The following SHANK2 variants were observed in gnomAD, a reference collection of about 807,000 sequenced individuals.
SHANK2 encodes the protein SH3 and multiple ankyrin repeat domains protein 2.
In SHANK2, 43 loss-of-function variants were observed where a neutral mutation model predicts 133.7. That is an observed-to-expected ratio of 0.32 (90% CI 0.25 to 0.41). The LOEUF (loss-of-function observed/expected upper bound fraction) is 0.41. SHANK2 is among the 10% of genes least tolerant of loss of function. The probability of loss-of-function intolerance (pLI) is 1.00; values close to 1 mark genes in which losing one functional copy is unlikely to be tolerated. For synonymous variants in SHANK2, 1,017 were observed against 952.8 expected, an observed-to-expected ratio of 1.07 and a Z score of -1.24; for missense variants, 1,994 against 2,235.8, an observed-to-expected ratio of 0.89 and a Z score of 2.18.
chr11:70,722,428 T>C (rs1172972648), intron 14 of SHANK2, among the ~76,000 whole-genome samples: 4 of 152,254 alleles, frequency 2.6e-5, no homozygotes, highest in Non-Finnish European at 5.9e-5. Context: ...TGTCCCTTTC[T>C]GCTCCTCCAG....
chr11:70,527,367 C>T (rs569707549), intron 17 of SHANK2, among the ~76,000 whole-genome samples: 2 of 152,312 alleles, frequency 1.3e-5, no homozygotes, highest in Non-Finnish European at 2.9e-5. Context: ...GCAGAGCTTG[C>T]AGTCACCTGC....
At chr11:70,511,144 C>T (rs2059200051) in intron 17 of SHANK2, among the ~76,000 whole-genome samples, 1 of 152,178 alleles carries the variant, frequency 6.6e-6, no homozygotes, top group African/African-American at 2.4e-5. Context: ...TGCCCCAGCG[C>T]CCATCAACAC....
At chr11:70,876,889 C>T (rs1279253735) in intron 11 of SHANK2, among the ~76,000 whole-genome samples, 5 of 152,186 alleles carry the variant, frequency 3.3e-5, no homozygotes, top group African/African-American at 1.2e-4. Flanking sequence ...ATACTCTGGT[C>T]CCGTGACTGC....
At position 70,563,940 on chromosome 11, in the gene SHANK2, C is replaced by T. The variant is rs2059938184; in HGVS notation, c.2062-61009G>A. On this transcript the variant is annotated intron_variant, in intron 17 of 25. Coordinates refer to ENST00000601538, the MANE Select transcript of SHANK2 (RefSeq NM_012309.5). ...CTGTTGAATAATTCTGTTTTTTCTT[C>T]TCTTTCAATACTGTAAAGGTATTTG... Among the ~76,000 whole-genome samples, 3 of 152,100 alleles carry T rather than the reference C, an allele frequency of 2.0e-5. No homozygotes were observed. The South Asian group carries it at 6.2e-4, about 32-fold the overall frequency.
chr11:70,886,573 T>C (rs1361301965), intron 11 of SHANK2, among the ~76,000 whole-genome samples: 2 of 152,168 alleles, frequency 1.3e-5, no homozygotes, highest in Admixed American at 6.5e-5. Flanking sequence ...CCAGGTAAAC[T>C]GAAATTTTTC....
chr11:70,596,208 C>T (rs75781265), intron 17 of SHANK2, among the ~76,000 whole-genome samples: 5,912 of 152,296 alleles, frequency 0.039, 143 homozygotes, highest in East Asian at 0.099. Context: ...CCCCCTTCCC[C>T]GCCTGCTCTG....
At chr11:70,626,096 G>A (rs1404537490) in intron 17 of SHANK2, among the ~76,000 whole-genome samples, 2 of 152,102 alleles carry the variant, frequency 1.3e-5, no homozygotes, top group African/African-American at 4.8e-5. Flanking sequence ...ATGGTACCCC[G>A]CACACACGGT....
chr11:70,607,081 G>A (rs1398633023), intron 17 of SHANK2, among the ~76,000 whole-genome samples: 2 of 152,186 alleles, frequency 1.3e-5, no homozygotes, highest in Non-Finnish European at 2.9e-5. Flanking sequence ...ACTCGGATCT[G>A]AGGCCTCAGC....
intron 2 of SHANK2, among the ~76,000 whole-genome samples, chr11:71,161,664 C>T (rs1953021429): frequency 1.3e-5 from 2 of 152,202 alleles, no homozygotes; most frequent in African/African-American, 4.8e-5. Flanking sequence ...AAACCCTCCC[C>T]TGACTCCACT....
intron 21 of SHANK2, among the ~76,000 whole-genome samples, chr11:70,493,169 T>TTTTG (rs561270997): frequency 1.3e-5 from 2 of 151,394 alleles, no homozygotes; most frequent in African/African-American, 2.4e-5. Flanking sequence ...AAGTTTTTTT[T>TTTTG]TTTGTTTGTT....
intron 17 of SHANK2, among the ~76,000 whole-genome samples, chr11:70,643,959 G>A (rs770520768): frequency 3.3e-5 from 5 of 151,984 alleles, no homozygotes; most frequent in Non-Finnish European, 7.4e-5. Context: ...ATCTGGGGTC[G>A]GGGGCTGAGC....
chr11:70,911,139 GTT>G, intron 10 of SHANK2: 1 of 456,690 alleles, frequency 2.2e-6, no homozygotes, highest in Non-Finnish European at 4.4e-6. Context: ...TTTTTGTACT[GTT>G]TTAATTCAGC....
At chr11:70,758,255 A>G (rs980427957) in intron 14 of SHANK2, among the ~76,000 whole-genome samples, 1 of 151,918 alleles carries the variant, frequency 6.6e-6, no homozygotes, top group Non-Finnish European at 1.5e-5. Flanking sequence ...GTTGTATGGG[A>G]GCTCTGTTTT....
At chr11:70,840,454 A>T (rs1421607981) in intron 11 of SHANK2, among the ~76,000 whole-genome samples, 1 of 152,166 alleles carries the variant, frequency 6.6e-6, no homozygotes. Context: ...AGGCTGCAAG[A>T]TCCCCCCTCT....
chr11:70,680,037 C>T (rs977257007), intron 15 of SHANK2, among the ~76,000 whole-genome samples: 1 of 152,178 alleles, frequency 6.6e-6, no homozygotes, highest in Admixed American at 6.5e-5. Context: ...TCTGCACAGT[C>T]TGAGAGAGGC....
Position 70,819,404 on chromosome 11 carries a change from G to A in SHANK2, c.1493+960C>T, listed in dbSNP as rs568753650. 1.2e-4 allele frequency among the ~76,000 whole-genome samples: 19 copies of A among 152,362 alleles called. No homozygotes were observed. The South Asian group carries it at 1.9e-3, about 15-fold the overall frequency. On this transcript the variant is annotated intron_variant, in intron 12 of 25. Transcript: ENST00000601538. ...CACTGCCCCTGCAGGTGCAGCTTTC[G>A]TGGCTGGAACCGACACCAACCCTAG... is the stretch of plus-strand genomic sequence containing the variant.
intron 17 of SHANK2, among the ~76,000 whole-genome samples, chr11:70,618,723 C>A (rs576200571): frequency 6.6e-6 from 1 of 152,204 alleles, no homozygotes. Context: ...AAACCCTGGC[C>A]GCCGCTTACC....
At chr11:71,179,605 C>T (rs539098533) in intron 2 of SHANK2, among the ~76,000 whole-genome samples, 2 of 152,152 alleles carry the variant, frequency 1.3e-5, no homozygotes, top group Non-Finnish European at 2.9e-5. Context: ...AAGAAAAATA[C>T]ATAAAATGCA....
intron 17 of SHANK2, among the ~76,000 whole-genome samples, chr11:70,511,369 T>G (rs149028444): frequency 6.6e-6 from 1 of 152,360 alleles, no homozygotes; most frequent in African/African-American, 2.4e-5. Flanking sequence ...AATGAGACTT[T>G]GGAACCAGCT....
Sources: gnomAD v4.1 joint callset for allele counts (sites outside exome capture counted in the v4.1 genomes callset) on GRCh38, gnomAD v4.1.1 for gene constraint, MANE v1.5 for transcripts, NCBI Gene and HGNC (gene_info 2026-07-23, HGNC 2026-07-21) for gene names.